The following SNRNP48 variants were observed in gnomAD, a reference collection of about 807,000 sequenced individuals.
SNRNP48 encodes the protein small nuclear ribonucleoprotein U11/U12 subunit 48, also known as U11/U12 small nuclear ribonucleoprotein 48 kDa protein.
SNRNP48 carries 43 observed loss-of-function variants against 47.0 expected under a neutral mutation model. The observed-to-expected ratio is 0.92, with a 90% CI of 0.72 to 1.18. The LOEUF is 1.18. SNRNP48 is among the 50% of genes most tolerant of loss of function. The pLI, the probability that SNRNP48 is intolerant of heterozygous loss-of-function variation, is 0.00. For missense variants in SNRNP48, 396 were observed against 422.2 expected (o/e 0.94, Z 0.54); for synonymous variants, 138 against 144.0 (o/e 0.96, Z 0.30).
At chr6:7,603,656 G>T (rs986334529) in intron 6 of SNRNP48, among the ~76,000 whole-genome samples, 1 of 152,168 alleles carries the variant, frequency 6.6e-6, no homozygotes, top group Non-Finnish European at 1.5e-5. Context: ...TCCATGAGGT[G>T]CTAGTTGACT....
At chr6:7,601,876 C>T (rs1760029001) in intron 5 of SNRNP48, among the ~76,000 whole-genome samples, 1 of 152,004 alleles carries the variant, frequency 6.6e-6, no homozygotes, top group African/African-American at 2.4e-5. Flanking sequence ...TTTTTTGAGA[C>T]TGAGTCTTAC....
Position 7,590,433 on chromosome 6 carries a change from G to T in SNRNP48, c.156+20G>T. 1 of 1,281,296 alleles carries T rather than the reference G, an allele frequency of 7.8e-7. No individual in the cohort carries two copies. The highest frequency in any genetic ancestry group is 1.0e-6 in the Non-Finnish European group (1 of 1,004,340). The allele number at this position is 1,281,296 out of a possible 1,614,324, so 79.4% of individuals were successfully genotyped here. ...GCGGAGGTGAGGAGCGCGGCCGCGG[G>T]GCCCTTTCGGGGACTATCGGCCCGG... On this transcript the variant is annotated intron_variant, in intron 1 of 8. Transcript: ENST00000342415.
intron 8 of SNRNP48, among the ~76,000 whole-genome samples, chr6:7,608,327 C>T (rs903802127): frequency 6.6e-5 from 10 of 151,880 alleles, no homozygotes; most frequent in African/African-American, 1.9e-4. Context: ...GAGGCCAAGG[C>T]GGGTGGATCA....
At chr6:7,602,094 T>A (rs1340756646) in intron 5 of SNRNP48, among the ~76,000 whole-genome samples, 1 of 152,176 alleles carries the variant, frequency 6.6e-6, no homozygotes. Context: ...CCTCAAGTGA[T>A]CCTCCTGTCT....
At chr6:7,595,249 C>T (rs1261456325) in intron 4 of SNRNP48, 148 bp downstream of exon 4, 8 of 616,644 alleles carry the variant, frequency 1.3e-5, no homozygotes, top group Non-Finnish European at 8.1e-6. Flanking sequence ...TAATTTGCTT[C>T]GTTTCAACTT....
chr6:7,611,631 C>G lies in SNRNP48; in HGVS notation c.*2758C>G, dbSNP rs1760237853. ...ACAGCTAATTGGATAATCTCAAACC[C>G]TTTAGTGAAAATATCTTAAATGCAT... is the stretch of plus-strand genomic sequence containing the variant. On this transcript the variant is annotated 3_prime_UTR_variant, in exon 9 of 9. Transcript: ENST00000342415. 1 of 152,150 alleles carries G rather than the reference C, an allele frequency of 6.6e-6. No individual in the cohort carries two copies. The highest frequency in any genetic ancestry group is 1.5e-5 in the Non-Finnish European group (1 of 68,028). 9.4% of individuals were successfully genotyped at this position (152,150 alleles called of 1,614,324 possible). A position where few individuals can be genotyped will look rare whatever the true frequency, so the allele number is the denominator to read the frequency against.
At chr6:7,598,558 A>T (rs1352708120) in intron 4 of SNRNP48, among the ~76,000 whole-genome samples, 2 of 152,142 alleles carry the variant, frequency 1.3e-5, no homozygotes, top group Non-Finnish European at 2.9e-5. Flanking sequence ...TCAACAGATT[A>T]TTTTTGTGGC....
At chr6:7,600,159 C>T (rs988965731) in intron 4 of SNRNP48, 30 of 992,004 alleles carry the variant, frequency 3.0e-5, no homozygotes, top group Middle Eastern at 1.0e-3. Context: ...AACCCTTTGA[C>T]GAGTAAAAAT....
At chr6:7,592,366 G>A (rs1581832352) in intron 1 of SNRNP48, among the ~76,000 whole-genome samples, 3 of 150,634 alleles carry the variant, frequency 2.0e-5, no homozygotes, top group South Asian at 2.1e-4. Flanking sequence ...ATATTAGAAA[G>A]TCTAGATTTT....
chr6:7,599,677 T>G (rs1759976580), intron 4 of SNRNP48: 1 of 1,282,934 alleles, frequency 7.8e-7, no homozygotes, highest in African/African-American at 1.5e-5. Flanking sequence ...TTTCAGTAAT[T>G]GGGGTGAGTA....
rs541364895 is a variant in SNRNP48 at position 7,608,991 on chromosome 6, T to G, written c.*118T>G. The G allele has an allele frequency of 6.6e-4, 309 of 468,728 alleles. 4 individuals carry two copies. The South Asian group carries it at 0.019, about 28-fold the overall frequency. The allele number at this position is 468,728 out of a possible 1,614,324, so 29.0% of individuals were successfully genotyped here. Reference sequence around the variant, plus strand: ...TTTATGATCTGTTTAGTGCTTATTATTTTTTTTATGATCTGTTTAGTGCTT... The same window carrying G: ...TTTATGATCTGTTTAGTGCTTATTAGTTTTTTTATGATCTGTTTAGTGCTT... On this transcript the variant is annotated 3_prime_UTR_variant, in exon 9 of 9. Coordinates refer to ENST00000342415, the MANE Select transcript of SNRNP48 (RefSeq NM_152551.4).
intron 4 of SNRNP48, among the ~76,000 whole-genome samples, chr6:7,597,865 C>CTT (rs148304945): frequency 3.2e-5 from 4 of 123,404 alleles, no homozygotes; most frequent in South Asian, 2.6e-4. Context: ...TAACCGTAAC[C>CTT]TTTTTTTTTT....
intron 8 of SNRNP48, among the ~76,000 whole-genome samples, chr6:7,607,164 A>G (rs1460225519): frequency 6.6e-6 from 1 of 152,176 alleles, no homozygotes; most frequent in East Asian, 1.9e-4. Flanking sequence ...CAAAGAATAC[A>G]AAGATTAGCC....
intron 6 of SNRNP48, 92 bp downstream of exon 6, chr6:7,602,836 C>T (rs1428735572): frequency 3.6e-5 from 45 of 1,249,908 alleles, no homozygotes; most frequent in Non-Finnish European, 4.6e-5. Flanking sequence ...TGGAAATTTT[C>T]TGAAAGTGTC....
chr6:7,598,224 G>A (rs533503779), intron 4 of SNRNP48, among the ~76,000 whole-genome samples: 3 of 151,764 alleles, frequency 2.0e-5, no homozygotes, highest in Admixed American at 6.5e-5. Context: ...GCCACGTGTG[G>A]TGGCTCCCAC....
At chr6:7,606,335 C>G (rs1760127553) in intron 8 of SNRNP48, 140 bp downstream of exon 8, 1 of 846,358 alleles carries the variant, frequency 1.2e-6, no homozygotes, top group South Asian at 2.0e-5. Context: ...GACGATGATT[C>G]TTAACATTCA....
At chr6:7,604,166 A>C (rs1364246055) in intron 6 of SNRNP48, among the ~76,000 whole-genome samples, 2 of 152,234 alleles carry the variant, frequency 1.3e-5, no homozygotes, top group Non-Finnish European at 2.9e-5. Flanking sequence ...GCGCTTACAT[A>C]GAGCTGCTGA....
At chr6:7,594,239 A>G in intron 3 of SNRNP48, 80 bp downstream of exon 3, 2 of 659,758 alleles carry the variant, frequency 3.0e-6, no homozygotes, top group East Asian at 3.1e-5. Context: ...AAAAGAATGG[A>G]TTGTATAAGC....
intron 8 of SNRNP48, among the ~76,000 whole-genome samples, chr6:7,608,140 A>G (rs1453011180): frequency 9.2e-5 from 14 of 152,240 alleles, no homozygotes; most frequent in Non-Finnish European, 2.1e-4. Context: ...TTGATATCCA[A>G]CCCTGGGGTG....
Sources: gnomAD v4.1 joint callset for allele counts (sites outside exome capture counted in the v4.1 genomes callset) on GRCh38, gnomAD v4.1.1 for gene constraint, MANE v1.5 for transcripts, NCBI Gene and HGNC (gene_info 2026-07-23, HGNC 2026-07-21) for gene names.